Variants in RAB38 observed in about 807,000 individuals in gnomAD.
RAB38 encodes the protein ras-related protein Rab-38.
In RAB38, 15 loss-of-function variants were observed where a neutral mutation model predicts 18.4. The observed-to-expected ratio is 0.82, with a 90% CI of 0.55 to 1.26. RAB38 has a LOEUF of 1.26. Ranked by LOEUF, RAB38 falls within the 50% of genes most tolerant of loss-of-function variation. The pLI is 0.00. For missense variants in RAB38, 294 were observed against 267.4 expected, an observed-to-expected ratio of 1.10 and a Z score of -0.69; for synonymous variants, 101 against 104.4, an observed-to-expected ratio of 0.97 and a Z score of 0.20.
the RAB38 span, among the ~76,000 whole-genome samples, chr11:87,932,968 C>T: frequency 5.3e-5 from 8 of 152,216 alleles, no homozygotes; most frequent in Admixed American, 4.6e-4. Context: ...ACAGAATCCA[C>T]AGTCTGCTAA....
rs557591464 is a variant in RAB38, at chr11:88,133,627, C to T, written c.483+16048G>A. ...TAGAGGGGGATAATTATTTAATAAC[C>T]TTATTTTCCTACTTTAATTTTTAGA... On this transcript the variant is annotated intron_variant, in intron 2 of 2. Transcript: ENST00000243662. Among the ~76,000 whole-genome samples, 133 of 152,220 alleles carry T rather than the reference C, an allele frequency of 8.7e-4. 1 individual carries two copies. Among genetic ancestry groups the T allele is most frequent in the African/African-American group, 3.2e-3 (131 of 41,536 alleles).
the RAB38 span, among the ~76,000 whole-genome samples, chr11:88,062,430 T>C: frequency 3.9e-5 from 6 of 152,220 alleles, no homozygotes; most frequent in Admixed American, 3.9e-4. Flanking sequence ...CTCTTTTCTT[T>C]ATAAATTACC....
At chr11:88,073,989 GAA>G in the RAB38 span, among the ~76,000 whole-genome samples, 8 of 139,146 alleles carry the variant, frequency 5.7e-5, no homozygotes, top group African/African-American at 2.1e-4. Context: ...AGTCAAAGGA[GAA>G]AAAAAAACAT....
At chr11:87,929,096 C>A in the RAB38 span, among the ~76,000 whole-genome samples, 1 of 151,830 alleles carries the variant, frequency 6.6e-6, no homozygotes, top group African/African-American at 2.4e-5. Context: ...GCCTGGGCAA[C>A]AAAGCGAGAC....
At chr11:88,021,297 T>G in the RAB38 span, among the ~76,000 whole-genome samples, 1 of 152,176 alleles carries the variant, frequency 6.6e-6, no homozygotes, top group East Asian at 1.9e-4. Context: ...CATTAGTGGC[T>G]GCTGTCAGCA....
the RAB38 span, among the ~76,000 whole-genome samples, chr11:88,047,264 C>T: frequency 6.6e-6 from 1 of 152,162 alleles, no homozygotes; most frequent in Non-Finnish European, 1.5e-5. Flanking sequence ...CCACATTATT[C>T]CTGATACCAC....
chr11:88,015,449 C>T, the RAB38 span, among the ~76,000 whole-genome samples: 1 of 152,042 alleles, frequency 6.6e-6, no homozygotes, highest in Non-Finnish European at 1.5e-5. Flanking sequence ...ATATGGTTTG[C>T]TATAAGGATT....
At chr11:87,920,318 C>T in the RAB38 span, among the ~76,000 whole-genome samples, 5 of 151,384 alleles carry the variant, frequency 3.3e-5, no homozygotes, top group Admixed American at 2.6e-4. Flanking sequence ...TTTATGCATC[C>T]CATAAGTTTT....
the RAB38 span, among the ~76,000 whole-genome samples, chr11:87,831,483 G>A: frequency 6.6e-6 from 1 of 152,176 alleles, no homozygotes; most frequent in Non-Finnish European, 1.5e-5. Context: ...AAGGCTTTGT[G>A]AAAAAGGTGG....
At chr11:87,861,732 C>T in the RAB38 span, among the ~76,000 whole-genome samples, 4 of 151,852 alleles carry the variant, frequency 2.6e-5, no homozygotes, top group African/African-American at 7.2e-5. Flanking sequence ...AAACATGGGA[C>T]ATTTTGCAAA....
intron 2 of RAB38, among the ~76,000 whole-genome samples, chr11:88,145,303 G>T (rs1942970391): frequency 6.6e-6 from 1 of 151,914 alleles, no homozygotes; most frequent in African/African-American, 2.4e-5. Flanking sequence ...GGTGCCTGCT[G>T]CCAGCCTGCT....
chr11:87,966,393 C>A, the RAB38 span, among the ~76,000 whole-genome samples: 2 of 152,090 alleles, frequency 1.3e-5, no homozygotes, highest in African/African-American at 4.8e-5. Flanking sequence ...GATGGAAACA[C>A]TGGGCTCCAA....
chr11:87,867,284 C>T, the RAB38 span, among the ~76,000 whole-genome samples: 45,430 of 151,556 alleles, frequency 0.3, 8,863 homozygotes, highest in African/African-American at 0.54. Context: ...GTTATTTCAT[C>T]TTTAAAGACT....
the RAB38 span, among the ~76,000 whole-genome samples, chr11:88,038,889 A>T: frequency 2.0e-5 from 3 of 152,168 alleles, no homozygotes; most frequent in Non-Finnish European, 4.4e-5. Context: ...TACTTTACAA[A>T]TATCTATTCC....
intron 2 of RAB38, among the ~76,000 whole-genome samples, chr11:88,129,528 C>G (rs1391949961): frequency 6.6e-6 from 1 of 152,054 alleles, no homozygotes; most frequent in Non-Finnish European, 1.5e-5. Context: ...GTAAACTCAG[C>G]TATTCGGGAG....
chr11:88,101,535 G>A, the RAB38 span, among the ~76,000 whole-genome samples: 6 of 151,876 alleles, frequency 4.0e-5, no homozygotes, highest in South Asian at 1.2e-3. Context: ...TAGGTCCCAA[G>A]ACATCATGTT....
the RAB38 span, among the ~76,000 whole-genome samples, chr11:87,951,797 G>A: frequency 6.6e-6 from 1 of 152,268 alleles, no homozygotes; most frequent in African/African-American, 2.4e-5. Flanking sequence ...TGAGGTGTCA[G>A]TCTGCCCCTA....
chr11:88,119,062 T>A (rs1942596079), intron 2 of RAB38, among the ~76,000 whole-genome samples: 2 of 152,184 alleles, frequency 1.3e-5, no homozygotes, highest in Admixed American at 1.3e-4. Flanking sequence ...TTACAATGAA[T>A]CCTAGGAATA....
chr11:88,052,935 T>TATATATATATATATC, the RAB38 span, among the ~76,000 whole-genome samples: 7,079 of 85,698 alleles, frequency 0.083, 707 homozygotes, highest in Admixed American at 0.17. Context: ...TATATATATA[T>TATATATATATATATC]ATATATATAA....
Sources: allele counts gnomAD v4.1 joint callset (sites outside exome capture counted in the v4.1 genomes callset), GRCh38; gene constraint gnomAD v4.1.1; transcripts MANE v1.5; gene names NCBI Gene and HGNC (gene_info 2026-07-23, HGNC 2026-07-21).